The following RCAN2 variants were observed in gnomAD, a reference collection of about 807,000 sequenced individuals.
RCAN2 encodes regulator of calcineurin 2.
A neutral mutation model predicts 23.6 loss-of-function variants in RCAN2; 9 were observed. That is an observed-to-expected ratio of 0.38 (90% CI 0.23 to 0.67). RCAN2 has a LOEUF of 0.67. Ranked by LOEUF, RCAN2 falls within the 30% of genes least tolerant of loss-of-function variation. The probability of loss-of-function intolerance (pLI) is 0.51; values close to 1 mark genes in which losing one functional copy is unlikely to be tolerated. For missense variants in RCAN2, 273 were observed against 302.3 expected, an observed-to-expected ratio of 0.90 and a Z score of 0.72; for synonymous variants, 109 against 115.7, an observed-to-expected ratio of 0.94 and a Z score of 0.37.
intron 2 of RCAN2, among the ~76,000 whole-genome samples, chr6:46,281,777 T>C (rs1767931587): frequency 6.6e-6 from 1 of 152,230 alleles, no homozygotes; most frequent in African/African-American, 2.4e-5. Context: ...AAAGATATTA[T>C]AAGGCCTGAT....
Position 46,430,563 on chromosome 6 carries a change from T to C in RCAN2, c.225+26189A>G, listed in dbSNP as rs142956247. On this transcript the variant is annotated intron_variant, in intron 2 of 4. Transcript: ENST00000371374. ...AATGAAGAGGGAAATAAGAGGAATA[T>C]ATGAGTGAAAATGCACTCACTTTTA... Among the ~76,000 whole-genome samples, 54 of 152,214 alleles carry C rather than the reference T, an allele frequency of 3.5e-4. No individual in the cohort carries two copies. The East Asian group carries it at 4.3e-3, about 12-fold the overall frequency.
intron 2 of RCAN2, among the ~76,000 whole-genome samples, chr6:46,329,836 T>C (rs925652192): frequency 6.6e-6 from 1 of 152,202 alleles, no homozygotes; most frequent in Non-Finnish European, 1.5e-5. Context: ...ACAGAGGCCA[T>C]TGCCCTCCCT....
At chr6:46,422,936 C>T (rs1766922860) in intron 2 of RCAN2, among the ~76,000 whole-genome samples, 1 of 152,156 alleles carries the variant, frequency 6.6e-6, no homozygotes, top group South Asian at 2.1e-4. Flanking sequence ...AGGAGTAATG[C>T]TATGTCAAGA....
At chr6:46,406,655 GTTC>G (rs1766414759) in intron 2 of RCAN2, among the ~76,000 whole-genome samples, 2 of 152,164 alleles carry the variant, frequency 1.3e-5, no homozygotes, top group African/African-American at 4.8e-5. Flanking sequence ...AGGTTTCAAT[GTTC>G]TTCTTTTAGA....
intron 2 of RCAN2, among the ~76,000 whole-genome samples, chr6:46,439,790 C>T (rs1045663575): frequency 1.1e-4 from 16 of 152,156 alleles, no homozygotes; most frequent in African/African-American, 3.9e-4. Context: ...ATATTTAGAA[C>T]AAGTCTACAT....
At chr6:46,381,710 G>C (rs1027321495) in intron 2 of RCAN2, among the ~76,000 whole-genome samples, 40 of 152,308 alleles carry the variant, frequency 2.6e-4, no homozygotes, top group African/African-American at 9.4e-4. Context: ...CCACAGTCCA[G>C]TGCTTAACTT....
intron 2 of RCAN2, among the ~76,000 whole-genome samples, chr6:46,314,470 G>A (rs10807341): frequency 0.69 from 103,630 of 150,890 alleles, 38,084 homozygotes; most frequent in Non-Finnish European, 0.83. Flanking sequence ...GTATATGGCC[G>A]AATACAGAGA....
chr6:46,491,609 T>C (rs1330675154), upstream of RCAN2, among the ~76,000 whole-genome samples: 2 of 151,446 alleles, frequency 1.3e-5, no homozygotes, highest in Non-Finnish European at 2.9e-5. Flanking sequence ...CCCTCCCCAG[T>C]CCCCTACCCA....
At position 46,435,963 on chromosome 6, in the gene RCAN2, T is replaced by C. The variant is rs970419952; in HGVS notation, c.225+20789A>G. Reference sequence around the variant, plus strand: ...AGACAAAAGACTGTCAATTTATTGGTACAGTAAGGAAATGTGTAGCTGTTC... The same window carrying C: ...AGACAAAAGACTGTCAATTTATTGGCACAGTAAGGAAATGTGTAGCTGTTC... On this transcript the variant is annotated intron_variant, in intron 2 of 4. Transcript: ENST00000371374. Among the ~76,000 whole-genome samples the C allele has an allele frequency of 2.6e-5, 4 of 152,348 alleles. No homozygotes were observed. In the South Asian group the frequency reaches 8.3e-4, roughly 32 times the overall value.
intron 2 of RCAN2, among the ~76,000 whole-genome samples, chr6:46,376,866 C>T (rs1056218137): frequency 2.0e-5 from 3 of 151,786 alleles, no homozygotes; most frequent in East Asian, 1.9e-4. Context: ...CCCCCCGCCC[C>T]GCACCCCCTC....
chr6:46,227,436 G>C (rs1299927944), intron 4 of RCAN2, among the ~76,000 whole-genome samples: 1 of 152,074 alleles, frequency 6.6e-6, no homozygotes, highest in Non-Finnish European at 1.5e-5. Flanking sequence ...TGGTTCGTAG[G>C]CTATCAATTA....
chr6:46,331,054 T>G (rs1763952821), intron 2 of RCAN2, among the ~76,000 whole-genome samples: 1 of 152,258 alleles, frequency 6.6e-6, no homozygotes, highest in Non-Finnish European at 1.5e-5. Flanking sequence ...ATTTACACAA[T>G]GATGATATTC....
At chr6:46,306,015 A>C (rs1377105828) in intron 2 of RCAN2, among the ~76,000 whole-genome samples, 1 of 151,846 alleles carries the variant, frequency 6.6e-6, no homozygotes, top group Non-Finnish European at 1.5e-5. Flanking sequence ...GTCAAGAGAG[A>C]ACCTTTATAG....
At chr6:46,373,230 A>C (rs975886482) in intron 2 of RCAN2, among the ~76,000 whole-genome samples, 2 of 152,118 alleles carry the variant, frequency 1.3e-5, no homozygotes, top group African/African-American at 4.8e-5. Context: ...TAAATGTGAG[A>C]ATCTCCTTCT....
intron 2 of RCAN2, among the ~76,000 whole-genome samples, chr6:46,270,683 CA>C (rs1205187847): frequency 6.6e-6 from 1 of 152,096 alleles, no homozygotes; most frequent in Admixed American, 6.5e-5. Flanking sequence ...GGAATGCACA[CA>C]AAAAAACTGT....
At chr6:46,259,218 C>T (rs1767028945) in intron 2 of RCAN2, among the ~76,000 whole-genome samples, 1 of 151,938 alleles carries the variant, frequency 6.6e-6, no homozygotes. Context: ...ACAAAAAAAG[C>T]AACTAAACAT....
At chr6:46,280,307 T>G (rs1393312121) in intron 2 of RCAN2, among the ~76,000 whole-genome samples, 3 of 152,186 alleles carry the variant, frequency 2.0e-5, no homozygotes, top group African/African-American at 7.2e-5. Flanking sequence ...TGAAAATATT[T>G]TTTTTAAAAA....
chr6:46,258,765 A>G (rs1767007751), intron 2 of RCAN2, among the ~76,000 whole-genome samples: 1 of 152,150 alleles, frequency 6.6e-6, no homozygotes, highest in East Asian at 1.9e-4. Flanking sequence ...AGTTTTCTTT[A>G]GTTAAGGAAA....
At chr6:46,320,971 T>TTAAA in intron 2 of RCAN2, among the ~76,000 whole-genome samples, 1 of 152,050 alleles carries the variant, frequency 6.6e-6, no homozygotes, top group Admixed American at 6.6e-5. Flanking sequence ...TTGAAACAGG[T>TTAAA]TAAATAGTGC....
Sources: allele counts gnomAD v4.1 joint callset (sites outside exome capture counted in the v4.1 genomes callset), GRCh38; gene constraint gnomAD v4.1.1; transcripts MANE v1.5; gene names NCBI Gene and HGNC (gene_info 2026-07-23, HGNC 2026-07-21).